The following CHCHD3 variants were observed in gnomAD, a reference collection of about 807,000 sequenced individuals.
CHCHD3 encodes the protein coiled-coil-helix-coiled-coil-helix domain containing 3, also known as MICOS complex subunit MIC19.
Under a neutral mutation model 38.2 loss-of-function variants are expected in CHCHD3, and 20 were observed. That is an observed-to-expected ratio of 0.52 (90% CI 0.37 to 0.76). CHCHD3 has a LOEUF of 0.76. CHCHD3 is among the 30% of genes least tolerant of loss of function. The pLI, the probability that CHCHD3 is intolerant of heterozygous loss-of-function variation, is 0.00. For synonymous variants in CHCHD3, 82 were observed against 100.0 expected, an observed-to-expected ratio of 0.82 and a Z score of 1.07; for missense variants, 245 against 279.2, an observed-to-expected ratio of 0.88 and a Z score of 0.87.
intron 5 of CHCHD3, among the ~76,000 whole-genome samples, chr7:132,865,547 G>A (rs1275067061): frequency 6.6e-6 from 1 of 152,128 alleles, no homozygotes; most frequent in African/African-American, 2.4e-5. Flanking sequence ...ATCCGTGGCC[G>A]ACTGCCATGG....
chr7:132,814,254 C>G (rs1256525693), intron 6 of CHCHD3, among the ~76,000 whole-genome samples: 4 of 152,062 alleles, frequency 2.6e-5, no homozygotes, highest in African/African-American at 7.2e-5. Context: ...TTTTGTGAAG[C>G]CACGCTAGCA....
At chr7:133,039,271 A>C (rs1364057813) in intron 2 of CHCHD3, among the ~76,000 whole-genome samples, 2 of 152,256 alleles carry the variant, frequency 1.3e-5, no homozygotes, top group Non-Finnish European at 2.9e-5. Flanking sequence ...ACATGGTAGC[A>C]ATGACAAATG....
chr7:132,901,803 G>A (rs1216778320), intron 4 of CHCHD3, among the ~76,000 whole-genome samples: 4 of 152,164 alleles, frequency 2.6e-5, no homozygotes, highest in Admixed American at 2.6e-4. Context: ...TTGCTGTGCA[G>A]AAGCTCTTTA....
At chr7:133,041,675 A>G (rs1049279965) in intron 2 of CHCHD3, among the ~76,000 whole-genome samples, 2 of 152,236 alleles carry the variant, frequency 1.3e-5, no homozygotes, top group African/African-American at 4.8e-5. Context: ...TTCAAAATTC[A>G]CTAAGCAGAA....
intron 4 of CHCHD3, among the ~76,000 whole-genome samples, chr7:132,919,303 G>C (rs960133893): frequency 2.0e-5 from 3 of 151,664 alleles, no homozygotes; most frequent in African/African-American, 7.3e-5. Flanking sequence ...AGTAGAGACG[G>C]GGTTTCATCG....
At chr7:132,968,157 A>T (rs1028722398) in intron 4 of CHCHD3, among the ~76,000 whole-genome samples, 1 of 152,218 alleles carries the variant, frequency 6.6e-6, no homozygotes. Context: ...CATAACACAC[A>T]GGAGGTAGAG....
At chr7:132,903,664 C>A (rs1224525170) in intron 4 of CHCHD3, among the ~76,000 whole-genome samples, 1 of 152,202 alleles carries the variant, frequency 6.6e-6, no homozygotes, top group African/African-American at 2.4e-5. Context: ...ATATTCTTAA[C>A]TACCTGGCAT....
intron 6 of CHCHD3, among the ~76,000 whole-genome samples, chr7:132,820,205 T>C (rs886592058): frequency 6.6e-6 from 1 of 152,128 alleles, no homozygotes; most frequent in Admixed American, 6.5e-5. Flanking sequence ...ACCAAACACA[T>C]AACTTTGGCT....
rs150551135 is a variant in CHCHD3 at position 132,843,366 on chromosome 7, C to T, written c.454-4897G>A. Among the ~76,000 whole-genome samples the T allele has an allele frequency of 7.4e-3, 1,123 of 152,240 alleles. 13 individuals are homozygous for T. The highest frequency in any genetic ancestry group is 0.025 in the African/African-American group (1,042 of 41,550). On this transcript the variant is annotated intron_variant, in intron 5 of 7. Coordinates refer to ENST00000262570, the MANE Select transcript of CHCHD3 (RefSeq NM_017812.4). ...AGCAGCTTGGGTGATTCTGAATACA[C>T]ACACTAAATTTGTAAACTACAGGGT...
At chr7:133,059,021 C>T (rs1463426812) in intron 2 of CHCHD3, among the ~76,000 whole-genome samples, 1 of 152,130 alleles carries the variant, frequency 6.6e-6, no homozygotes, top group African/African-American at 2.4e-5. Flanking sequence ...TACCCAGAAG[C>T]CAAACCAAAC....
chr7:132,981,129 T>C (rs886925438), intron 3 of CHCHD3, among the ~76,000 whole-genome samples: 3 of 151,928 alleles, frequency 2.0e-5, no homozygotes, highest in African/African-American at 7.2e-5. Flanking sequence ...GGGACCACAG[T>C]TGCATGCCAC....
intron 5 of CHCHD3, among the ~76,000 whole-genome samples, chr7:132,855,722 A>T (rs764401608): frequency 5.1e-4 from 78 of 152,260 alleles, no homozygotes; most frequent in Non-Finnish European, 8.2e-4. Context: ...AGAGCCCTGC[A>T]GTATTGCCTG....
intron 5 of CHCHD3, among the ~76,000 whole-genome samples, chr7:132,842,595 A>G (rs757090121): frequency 6.6e-6 from 1 of 152,102 alleles, no homozygotes; most frequent in Non-Finnish European, 1.5e-5. Flanking sequence ...GTCCCCTCTC[A>G]TCTGTAACAG....
chr7:133,071,242 G>C (rs1451588304), intron 1 of CHCHD3, among the ~76,000 whole-genome samples: 1 of 152,128 alleles, frequency 6.6e-6, no homozygotes. Flanking sequence ...GCAAGGATTT[G>C]GCTGTCCTAT....
chr7:132,930,220 G>T, intron 4 of CHCHD3, among the ~76,000 whole-genome samples: 1 of 146,768 alleles, frequency 6.8e-6, no homozygotes. Context: ...AGGCTGGAGT[G>T]CAGTGGTGCA....
chr7:133,059,987 C>G (rs1056452131), intron 2 of CHCHD3, among the ~76,000 whole-genome samples: 1 of 152,026 alleles, frequency 6.6e-6, no homozygotes, highest in Non-Finnish European at 1.5e-5. Flanking sequence ...GAAAAACAGA[C>G]AAGTAAACAT....
chr7:132,905,967 G>A (rs1809794808), intron 4 of CHCHD3, among the ~76,000 whole-genome samples: 1 of 152,230 alleles, frequency 6.6e-6, no homozygotes, highest in African/African-American at 2.4e-5. Context: ...AGTATGGTAA[G>A]AGAAATATTT....
chr7:132,985,842 G>A lies in CHCHD3; in HGVS notation c.252-10556C>T, dbSNP rs1479136970. Among the ~76,000 whole-genome samples, 7 of 122,584 alleles carry A rather than the reference G, an allele frequency of 5.7e-5. 1 individual carries two copies. Among genetic ancestry groups the A allele is most frequent in the Admixed American group, 3.4e-4 (4 of 11,882 alleles). The allele number at this position is 122,584 out of a possible 152,430, so 80.4% of individuals were successfully genotyped here. ...CGGGAGGTGAGGGGCGCCTCTGCCCGGCCGCCCCTACTGGGAAGTGAGGAG... is the reference window on the plus strand; with the variant it reads ...CGGGAGGTGAGGGGCGCCTCTGCCCAGCCGCCCCTACTGGGAAGTGAGGAG... On this transcript the variant is annotated intron_variant, in intron 3 of 7. Coordinates refer to ENST00000262570, the MANE Select transcript of CHCHD3 (RefSeq NM_017812.4).
At chr7:133,038,037 T>C (rs1813728157) in intron 2 of CHCHD3, among the ~76,000 whole-genome samples, 1 of 152,216 alleles carries the variant, frequency 6.6e-6, no homozygotes. Flanking sequence ...AATTCAATCA[T>C]GAACATTACA....
Sources: allele counts gnomAD v4.1 joint callset (sites outside exome capture counted in the v4.1 genomes callset), GRCh38; gene constraint gnomAD v4.1.1; transcripts MANE v1.5; gene names NCBI Gene and HGNC (gene_info 2026-07-23, HGNC 2026-07-21).